Variants in ARID1B observed in about 807,000 individuals in gnomAD.
ARID1B encodes the protein AT-rich interaction domain 1B.
In ARID1B, 30 loss-of-function variants were observed where a neutral mutation model predicts 212.3. The ratio of observed to expected loss-of-function variants is 0.14; its 90% CI spans 0.11 to 0.19. The LOEUF (loss-of-function observed/expected upper bound fraction) is 0.19. Ranked by LOEUF, ARID1B falls within the 10% of genes least tolerant of loss-of-function variation. ARID1B has a pLI of 1.00. For synonymous variants in ARID1B, 1,402 were observed against 1,301.7 expected (o/e 1.08, Z -1.66); for missense variants, 2,891 against 3,204.0 (o/e 0.90, Z 2.36).
At position 156,777,806 on chromosome 6, in the gene ARID1B, G is replaced by C; in HGVS notation, c.126G>C (p.Ala42=). The part of the protein sequence containing the change: ...RPAPGARDLE[A]GARGAAAAAA... ...CGCCCGGAGCCCGGGACCTGGAGGCGGGGGCGCGCGGCGCGGCGGCGGCGG... is the reference window on the plus strand; with the variant it reads ...CGCCCGGAGCCCGGGACCTGGAGGCCGGGGCGCGCGGCGCGGCGGCGGCGG... The change falls in exon 1 of 20, where the codon GCG becomes GCC. Residue 42 remains alanine, a synonymous_variant. Coordinates refer to ENST00000636930, the MANE Select transcript of ARID1B (RefSeq NM_001374828.1). 2.0e-6 allele frequency: 2 copies of C among 977,518 alleles called. No homozygotes were observed. The highest frequency in any genetic ancestry group is 2.4e-6 in the Non-Finnish European group (2 of 823,800). 60.6% of individuals were successfully genotyped at this position (977,518 alleles called of 1,614,324 possible). A position where few individuals can be genotyped will look rare whatever the true frequency, so the allele number is the denominator to read the frequency against.
chr6:157,049,216 T>A, intron 4 of ARID1B, among the ~76,000 whole-genome samples: 1 of 150,784 alleles, frequency 6.6e-6, no homozygotes, highest in East Asian at 1.9e-4. Flanking sequence ...GATTTGCTGC[T>A]CACTGTGCCC....
intron 8 of ARID1B, chr6:157,151,691 A>T (rs1016302085): frequency 1.3e-5 from 2 of 152,208 alleles, no homozygotes; most frequent in Non-Finnish European, 2.9e-5. Flanking sequence ...AAAAAAAATA[A>T]TTATTGCTAT....
intron 7 of ARID1B, among the ~76,000 whole-genome samples, chr6:157,142,006 G>A (rs113790944): frequency 0.016 from 2,428 of 152,286 alleles, 40 homozygotes; most frequent in Admixed American, 0.034. Context: ...CCAAAAACTG[G>A]AAACCATATC....
chr6:157,201,461 A>G lies in ARID1B; in HGVS notation c.5236A>G (p.Arg1746Gly). Residue 1746 changes from arginine to glycine, a missense_variant, in exon 18 of 20, where the codon AGG becomes GGG. Around this residue, in one of 7 missense-constraint regions of ARID1B, gnomAD observed 666 missense variants for 873.5 expected, o/e 0.76. Transcript: ENST00000636930. The surrounding 1 kb of genome is among the most constrained non-coding windows in gnomAD (Gnocchi z 5.2). ...AGCATCACAACCAGTCTTGAAACAAAGGCGAAAGATTACCTCCAAAGATAT... is the reference window on the plus strand; with the variant it reads ...AGCATCACAACCAGTCTTGAAACAAGGGCGAAAGATTACCTCCAAAGATAT... ...VEASQPVLKQ[R>G]RKITSKDIVT... 1 of 1,509,796 alleles carries G rather than the reference A, an allele frequency of 6.6e-7. No individual in the cohort carries two copies. The highest frequency in any genetic ancestry group is 8.9e-7 in the Non-Finnish European group (1 of 1,128,024). The allele number at this position is 1,509,796 out of a possible 1,614,324, so 93.5% of individuals were successfully genotyped here. A position where few individuals can be genotyped will look rare whatever the true frequency, so the allele number is the denominator to read the frequency against.
At chr6:156,809,142 A>G (rs1781388031) in intron 1 of ARID1B, among the ~76,000 whole-genome samples, 1 of 152,140 alleles carries the variant, frequency 6.6e-6, no homozygotes, top group Admixed American at 6.5e-5. Flanking sequence ...CTGTACTTTC[A>G]AGCAGGCACA....
chr6:157,006,808 G>A (rs140082488), intron 4 of ARID1B, among the ~76,000 whole-genome samples: 10 of 152,262 alleles, frequency 6.6e-5, no homozygotes, highest in Admixed American at 6.5e-4. Context: ...AATGGAAAAA[G>A]GAGACTTTAT....
chr6:157,006,050 C>G (rs941641638), intron 4 of ARID1B, among the ~76,000 whole-genome samples: 47 of 152,132 alleles, frequency 3.1e-4, no homozygotes, highest in African/African-American at 1.1e-3. Flanking sequence ...CACAACACCC[C>G]CCATTGAGAG....
At chr6:156,966,318 T>G (rs1436399317) in intron 4 of ARID1B, among the ~76,000 whole-genome samples, 1 of 152,074 alleles carries the variant, frequency 6.6e-6, no homozygotes, top group African/African-American at 2.4e-5. Flanking sequence ...TGTAAATGCT[T>G]AGAACCAGCA....
chr6:156,824,814 C>T (rs572466508), intron 1 of ARID1B, among the ~76,000 whole-genome samples: 3 of 151,896 alleles, frequency 2.0e-5, no homozygotes, highest in African/African-American at 4.8e-5. Flanking sequence ...GTTAGATGTG[C>T]GTATGAGAAG....
chr6:157,201,207 C>T lies in ARID1B; in HGVS notation c.4982C>T (p.Pro1661Leu), dbSNP rs757628046. ...CAGCCCATCACACGCCCACCACAGCCGTCCTACCAGACGCCACCGTCACTG... is the reference window on the plus strand; with the variant it reads ...CAGCCCATCACACGCCCACCACAGCTGTCCTACCAGACGCCACCGTCACTG... ...SMQPITRPPQ[P>L]SYQTPPSLPN... Residue 1661 changes from proline (P) to leucine (L), a missense_variant, in exon 18 of 20, where the codon CCG becomes CTG. Transcript: ENST00000636930. This position sits in a 1 kb window ranked among gnomAD's most constrained non-coding sequence, Gnocchi z 5.2. 2.3e-5 allele frequency: 37 copies of T among 1,613,764 alleles called. No homozygotes were observed. In the African/African-American group the frequency reaches 2.8e-4, roughly 12 times the overall value.
At chr6:156,790,773 C>T (rs1416579760) in intron 1 of ARID1B, among the ~76,000 whole-genome samples, 1 of 152,332 alleles carries the variant, frequency 6.6e-6, no homozygotes, top group East Asian at 1.9e-4. Flanking sequence ...GCAATCCTGA[C>T]TTTTCCTCTT....
At chr6:156,899,327 C>T (rs1204748854) in intron 2 of ARID1B, among the ~76,000 whole-genome samples, 1 of 152,152 alleles carries the variant, frequency 6.6e-6, no homozygotes, top group Admixed American at 6.5e-5. Context: ...CATCATGGCT[C>T]CCATTGAAGG....
At chr6:156,901,827 A>C in intron 3 of ARID1B, 1 of 392,990 alleles carries the variant, frequency 2.5e-6, no homozygotes, top group Non-Finnish European at 4.6e-6. Flanking sequence ...TCAAGAAAGC[A>C]CTCTGCCACT....
chr6:156,856,698 TCTCACACACACACACACACACA>T, intron 2 of ARID1B, among the ~76,000 whole-genome samples: 2 of 85,684 alleles, frequency 2.3e-5, no homozygotes, highest in African/African-American at 8.4e-5. Flanking sequence ...TCTCTCTCTC[TCTCACACACACACACACACACA>T]CACACACACA....
chr6:156,897,243 C>CTTATTATTA (rs1284725803), intron 2 of ARID1B, among the ~76,000 whole-genome samples: 20 of 103,634 alleles, frequency 1.9e-4, no homozygotes, highest in African/African-American at 5.7e-4. Context: ...TCTTCTTCTT[C>CTTATTATTA]TTCTTCTTCT....
intron 5 of ARID1B, chr6:157,107,806 T>C (rs1326384477): frequency 6.6e-6 from 1 of 152,214 alleles, no homozygotes; most frequent in Non-Finnish European, 1.5e-5. Flanking sequence ...TTAAAAATTA[T>C]TACCACACTT....
chr6:156,794,459 C>T (rs559301613), intron 1 of ARID1B, among the ~76,000 whole-genome samples: 1 of 152,096 alleles, frequency 6.6e-6, no homozygotes, highest in East Asian at 1.9e-4. Context: ...CTGTGTTGCC[C>T]AGGCTGGTCT....
chr6:157,053,078 T>G (rs893888982), intron 4 of ARID1B, among the ~76,000 whole-genome samples: 8 of 151,498 alleles, frequency 5.3e-5, no homozygotes, highest in South Asian at 2.1e-4. Flanking sequence ...AGAATTATTT[T>G]ATTGATTGAT....
chr6:157,010,278 GTTTTTTTTTTTTTTT>G (rs367851681), intron 4 of ARID1B, among the ~76,000 whole-genome samples: 4 of 102,246 alleles, frequency 3.9e-5, no homozygotes, highest in Non-Finnish European at 7.8e-5. Context: ...TGCATTGCCT[GTTTTTTTTTTTTTTT>G]TTTTTTTTTT....
Sources: gnomAD v4.1 joint callset for allele counts (sites outside exome capture counted in the v4.1 genomes callset) on GRCh38, gnomAD v4.1.1 for gene constraint, gnomAD v4.1.1 regional missense constraint, Gnocchi (gnomAD v3.1) non-coding constraint, MANE v1.5 for transcripts, NCBI Gene and HGNC (gene_info 2026-07-23, HGNC 2026-07-21) for gene names.